The following FAS variants were observed in gnomAD, a reference collection of about 807,000 sequenced individuals.
FAS encodes tumor necrosis factor receptor superfamily member 6.
Under a neutral mutation model 33.2 loss-of-function variants are expected in FAS, and 5 were observed. That is an observed-to-expected ratio of 0.15 (90% confidence interval 0.08 to 0.32). FAS has a LOEUF of 0.32. FAS is among the 10% of genes least tolerant of loss of function. FAS has a pLI of 1.00. For missense variants in FAS, 339 were observed against 386.0 expected (o/e 0.88, Z 1.02); for synonymous variants, 131 against 130.7 (o/e 1.00, Z -0.01).
At position 89,015,946 on chromosome 10, in the gene FAS, T is replaced by C. The variant is rs1848789595; in HGVS notation, c.*1496T>C. Reference sequence around the variant, plus strand: ...TTTAGTAGTTAAATAATTATTTCCATAGGTTGCTATTGCCAAGAAGACCTC... The same window carrying C: ...TTTAGTAGTTAAATAATTATTTCCACAGGTTGCTATTGCCAAGAAGACCTC... On this transcript the variant is annotated 3_prime_UTR_variant, in exon 9 of 9. Coordinates refer to ENST00000652046, the MANE Select transcript of FAS (RefSeq NM_000043.6). The C allele has an allele frequency of 1.1e-5, 3 of 272,214 alleles. No homozygotes were observed. Among genetic ancestry groups the C allele is most frequent in the Non-Finnish European group, 2.1e-5 (3 of 141,040 alleles). 16.9% of individuals were successfully genotyped at this position (272,214 alleles called of 1,614,324 possible). A position where few individuals can be genotyped will look rare whatever the true frequency, so the allele number is the denominator to read the frequency against.
chr10:89,008,866 T>C, intron 3 of FAS, 23 bp from the exon 4 acceptor site: 1 of 1,605,986 alleles, frequency 6.2e-7, no homozygotes, highest in Non-Finnish European at 8.5e-7. Context: ...CTATAACTAA[T>C]AGTTTCCAAA....
At chr10:88,965,331 TC>T (rs1421918054) in intron 1 of FAS, among the ~76,000 whole-genome samples, 2 of 152,158 alleles carry the variant, frequency 1.3e-5, no homozygotes, top group Non-Finnish European at 2.9e-5. Context: ...CTTTCTATTT[TC>T]CCCAAACCTT....
At chr10:89,013,872 G>T (rs1487127823) in intron 8 of FAS, among the ~76,000 whole-genome samples, 3 of 152,132 alleles carry the variant, frequency 2.0e-5, no homozygotes, top group African/African-American at 7.2e-5. Context: ...ATTTATAAAT[G>T]AGAAAAGAAG....
At chr10:88,965,096 T>C (rs1320090338) in intron 1 of FAS, among the ~76,000 whole-genome samples, 1 of 152,214 alleles carries the variant, frequency 6.6e-6, no homozygotes, top group East Asian at 1.9e-4. Context: ...AAAATTCATC[T>C]ACAGCAAACC....
chr10:89,013,299 A>G, intron 7 of FAS, 44 bp from the exon 8 acceptor site: 1 of 1,575,572 alleles, frequency 6.3e-7, no homozygotes. Flanking sequence ...TTCTAAAGAT[A>G]TATTTTTATT....
chr10:88,980,139 G>T (rs565420165), intron 2 of FAS, among the ~76,000 whole-genome samples: 1 of 152,204 alleles, frequency 6.6e-6, no homozygotes, highest in Admixed American at 6.5e-5. Context: ...TTCTGGTCTG[G>T]ACAGAAATGA....
chr10:89,014,212 C>T lies in FAS; in HGVS notation c.770C>T (p.Ala257Val). 6.2e-7 allele frequency: 1 copy of T among 1,613,782 alleles called. No homozygotes were observed. The highest frequency in any genetic ancestry group is 8.5e-7 in the Non-Finnish European group (1 of 1,179,904). ...GFVRKNGVNE[A>V]KIDEIKNDNV... ...GTTCGAAAGAATGGTGTCAATGAAGCCAAAATAGATGAGATCAAGAATGAC... is the reference window on the plus strand; with the variant it reads ...GTTCGAAAGAATGGTGTCAATGAAGTCAAAATAGATGAGATCAAGAATGAC... Residue 257 changes from alanine to valine, a missense_variant, in exon 9 of 9, where the codon GCC (alanine) becomes GTC (valine). This residue lies in a region of FAS where 276 missense variants were observed against 300.1 expected (regional missense o/e 0.92). Transcript: ENST00000652046.
intron 2 of FAS, among the ~76,000 whole-genome samples, chr10:89,004,263 T>A (rs1848096057): frequency 6.6e-6 from 1 of 151,954 alleles, no homozygotes; most frequent in African/African-American, 2.4e-5. Context: ...GGTTTTGCTT[T>A]GTTTTATTTT....
At position 89,015,022 on chromosome 10, in the gene FAS, C is replaced by T. The variant is rs1178675096; in HGVS notation, c.*572C>T. 7.5e-6 allele frequency: 4 copies of T among 533,452 alleles called. No individual in the cohort carries two copies. The highest frequency in any genetic ancestry group is 2.2e-5 in the Admixed American group (1 of 44,984). The allele number at this position is 533,452 out of a possible 1,614,324, so 33.0% of individuals were successfully genotyped here. ...TAAGGCTCTACCTCAAAGACCTTTG[C>T]ACAGTTTATTGGTGTCATATTATAC... On this transcript the variant is annotated 3_prime_UTR_variant, in exon 9 of 9. Transcript: ENST00000652046.
At chr10:88,996,298 T>C (rs1236204643) in intron 1 of FAS, among the ~76,000 whole-genome samples, 1 of 152,066 alleles carries the variant, frequency 6.6e-6, no homozygotes, top group Non-Finnish European at 1.5e-5. Context: ...TGTGAATGTC[T>C]GTAAGGTTTC....
chr10:88,999,534 G>A (rs971311943), intron 1 of FAS, among the ~76,000 whole-genome samples: 7 of 152,106 alleles, frequency 4.6e-5, no homozygotes, highest in Non-Finnish European at 8.8e-5. Flanking sequence ...AATAATATTC[G>A]TAATATTTTA....
At position 89,007,941 on chromosome 10, in the gene FAS, C is replaced by T. The variant is rs1400586039; in HGVS notation, c.334+104C>T. 7.1e-6 allele frequency: 11 copies of T among 1,554,966 alleles called. No homozygotes were observed. The East Asian group carries it at 2.5e-4, about 35-fold the overall frequency. On this transcript the variant is annotated intron_variant, in intron 3 of 8. Coordinates refer to ENST00000652046, the MANE Select transcript of FAS (RefSeq NM_000043.6). ...GGGGCCTACTGTGGTGCTATGTTGACACACAGGAAAGGGAAGGACAGGTGG... is the reference window on the plus strand; with the variant it reads ...GGGGCCTACTGTGGTGCTATGTTGATACACAGGAAAGGGAAGGACAGGTGG...
upstream of FAS, chr10:88,990,656 C>A (rs777296029): frequency 4.9e-5 from 34 of 699,364 alleles, no homozygotes; most frequent in Non-Finnish European, 8.3e-5. The surrounding 1 kb of genome is among the most constrained non-coding windows in gnomAD (Gnocchi z 4.9). Context: ...TCTGATCTCG[C>A]GCAAGAGTGA....
At chr10:88,992,676 A>G (rs1847317833) in intron 1 of FAS, 1 of 152,226 alleles carries the variant, frequency 6.6e-6, no homozygotes, top group Non-Finnish European at 1.5e-5. Flanking sequence ...AAATTTATAA[A>G]TGCAGATGAG....
intron 4 of FAS, 134 bp from the exon 5 acceptor site, chr10:89,010,405 A>G: frequency 1.4e-6 from 1 of 718,896 alleles, no homozygotes; most frequent in East Asian, 2.7e-5. Flanking sequence ...ACTAATTTAG[A>G]AATATTTGAA....
chr10:88,978,925 C>A (rs933784117), intron 2 of FAS, among the ~76,000 whole-genome samples: 2 of 151,388 alleles, frequency 1.3e-5, no homozygotes, highest in African/African-American at 2.4e-5. Flanking sequence ...TTAATAGGAA[C>A]TAATATTCAT....
intron 2 of FAS, among the ~76,000 whole-genome samples, chr10:89,004,129 ACAAT>A (rs1848087780): frequency 6.6e-6 from 1 of 152,192 alleles, no homozygotes; most frequent in Admixed American, 6.5e-5. Flanking sequence ...CCTGCTAAAC[ACAAT>A]CAATTTGCTC....
chr10:89,003,277 A>C lies in FAS; in HGVS notation c.196+83A>C. ...TAGTAATCATGACTATAATAATTTT[A>C]CAGTTTTTGGTTCCCCTATATTATA... On this transcript the variant is annotated intron_variant, in intron 2 of 8. Coordinates refer to ENST00000652046, the MANE Select transcript of FAS (RefSeq NM_000043.6). 2.6e-6 allele frequency: 4 copies of C among 1,529,978 alleles called. No homozygotes were observed. The South Asian group carries it at 4.6e-5, about 18-fold the overall frequency. The allele number at this position is 1,529,978 out of a possible 1,614,324, so 94.8% of individuals were successfully genotyped here.
chr10:88,978,891 A>G (rs1286147463), intron 2 of FAS, among the ~76,000 whole-genome samples: 2 of 151,334 alleles, frequency 1.3e-5, no homozygotes, highest in Admixed American at 6.6e-5. Context: ...TCTCTTCTCT[A>G]TTATTATTAT....
Sources: allele counts gnomAD v4.1 joint callset (sites outside exome capture counted in the v4.1 genomes callset), GRCh38; gene constraint gnomAD v4.1.1; regional missense constraint gnomAD v4.1.1; non-coding constraint Gnocchi (gnomAD v3.1); transcripts MANE v1.5; gene names NCBI Gene and HGNC (gene_info 2026-07-23, HGNC 2026-07-21).